KIF27: variants seen among roughly 807,000 people sequenced by gnomAD.
KIF27 encodes the protein kinesin-like protein KIF27.
Under a neutral mutation model 141.8 loss-of-function variants are expected in KIF27, and 84 were observed. The ratio of observed to expected loss-of-function variants is 0.59; its 90% CI spans 0.50 to 0.71. The LOEUF is 0.71. Among genes scored for constraint, KIF27 ranks in the 30% least tolerant of loss-of-function variants. KIF27 has a pLI of 0.00. For missense variants in KIF27, 1,306 were observed against 1,628.4 expected (o/e 0.80, Z 3.41); for synonymous variants, 471 against 569.5 (o/e 0.83, Z 2.46).
intron 17 of KIF27, among the ~76,000 whole-genome samples, chr9:83,841,132 G>A (rs541332208): frequency 3.3e-5 from 5 of 151,720 alleles, no homozygotes; most frequent in South Asian, 4.2e-4. Flanking sequence ...GTGCAATGTC[G>A]TGATCTCAGC....
At chr9:83,881,266 G>C (rs1390876717) in intron 10 of KIF27, among the ~76,000 whole-genome samples, 2 of 152,134 alleles carry the variant, frequency 1.3e-5, no homozygotes, top group East Asian at 3.8e-4. Context: ...TTACAATTTA[G>C]TCCTGACCAA....
At chr9:83,876,485 A>G (rs1202136981) in intron 11 of KIF27, among the ~76,000 whole-genome samples, 4 of 152,252 alleles carry the variant, frequency 2.6e-5, no homozygotes, top group Non-Finnish European at 4.4e-5. Flanking sequence ...AGATGTCAAT[A>G]CTACTCAGAG....
chr9:83,899,166 T>G (rs1486374928), intron 5 of KIF27, among the ~76,000 whole-genome samples: 1 of 149,626 alleles, frequency 6.7e-6, no homozygotes, highest in African/African-American at 2.6e-5. Flanking sequence ...GCCAGGGAGT[T>G]TAATATGTAG....
At chr9:83,920,318 A>G (rs79194828) in intron 1 of KIF27, among the ~76,000 whole-genome samples, 1,551 of 152,370 alleles carry the variant, frequency 0.01, 26 homozygotes, top group African/African-American at 0.035. Context: ...CATAGCACTT[A>G]TACTTCAGAT....
chr9:83,864,581 G>GC lies in KIF27; in HGVS notation c.2934+3102dup, dbSNP rs1367231638. 6.6e-5 allele frequency among the ~76,000 whole-genome samples: 10 copies of GC among 152,304 alleles called. 1 individual carries two copies. Among genetic ancestry groups the GC allele is most frequent in the African/African-American group, 2.4e-4 (10 of 41,554 alleles). On this transcript the variant is annotated intron_variant, in intron 13 of 17. Coordinates refer to ENST00000297814, the MANE Select transcript of KIF27 (RefSeq NM_017576.4). ...TATTCTTTTACATTTGCTGAGGAGT[G>GC]CTTTACTTCCAACTATGTGGTCAAT...
intron 7 of KIF27, 78 bp downstream of exon 7, chr9:83,889,006 T>C: frequency 4.8e-6 from 7 of 1,463,902 alleles, no homozygotes; most frequent in Non-Finnish European, 6.4e-6. Context: ...TATACTCCAA[T>C]GGAAAAAACC....
intron 4 of KIF27, among the ~76,000 whole-genome samples, chr9:83,900,121 A>AT (rs1468675046): frequency 6.6e-6 from 1 of 152,202 alleles, no homozygotes; most frequent in Non-Finnish European, 1.5e-5. Context: ...CTGCTATGAG[A>AT]TTTTAATGTG....
chr9:83,895,079 G>A (rs538432018), intron 5 of KIF27, among the ~76,000 whole-genome samples: 10 of 148,304 alleles, frequency 6.7e-5, no homozygotes, highest in Non-Finnish European at 8.9e-5. Flanking sequence ...GTGAAACCCC[G>A]TCTCCACTAA....
chr9:83,911,269 A>G (rs1955133592), intron 2 of KIF27, among the ~76,000 whole-genome samples: 1 of 151,956 alleles, frequency 6.6e-6, no homozygotes, highest in Non-Finnish European at 1.5e-5. Flanking sequence ...AGCTCTCACT[A>G]TGTTGCCCAG....
At chr9:83,917,600 G>A (rs1477447592) in intron 1 of KIF27, among the ~76,000 whole-genome samples, 1 of 152,128 alleles carries the variant, frequency 6.6e-6, no homozygotes. Context: ...CTGGCATAAA[G>A]ACAGACATAT....
intron 3 of KIF27, among the ~76,000 whole-genome samples, chr9:83,905,650 A>T (rs1237497693): frequency 1.3e-5 from 2 of 152,154 alleles, no homozygotes; most frequent in Non-Finnish European, 2.9e-5. Context: ...ACTTTCATTA[A>T]ATTTTTCCAG....
chr9:83,878,268 G>A (rs1951392637), intron 11 of KIF27, among the ~76,000 whole-genome samples: 1 of 150,614 alleles, frequency 6.6e-6, no homozygotes, highest in Non-Finnish European at 1.5e-5. Context: ...TGACAAAAGT[G>A]AGGAGAAATT....
chr9:83,908,794 C>T, intron 2 of KIF27, 142 bp from the exon 3 acceptor site: 1 of 436,598 alleles, frequency 2.3e-6, no homozygotes, highest in Non-Finnish European at 3.9e-6. Flanking sequence ...GAGTCTTGCT[C>T]TGTTGCCCAG....
rs375222138 is a variant in KIF27, at chr9:83,848,109, C to CATATATCTGATATATATGATATATCAT, written c.3556+1989_3556+1990insATGATATATCATATATATCAGATATAT. 1.6e-4 allele frequency among the ~76,000 whole-genome samples: 4 copies of CATATATCTGATATATATGATATATCAT among 24,506 alleles called. 2 individuals are homozygous for CATATATCTGATATATATGATATATCAT. The highest frequency in any genetic ancestry group is 9.6e-4 in the African/African-American group (2 of 2,080). 16.1% of individuals were successfully genotyped at this position (24,506 alleles called of 152,430 possible). On this transcript the variant is annotated intron_variant, in intron 16 of 17. Transcript: ENST00000297814. ...CATATATATGATATATATGATATCTCATATCTGATATATCTGATATCTCAT... is the reference window on the plus strand; with the variant it reads ...CATATATATGATATATATGATATCTCATATATCTGATATATATGATATATCATATATCTGATATATCTGATATCTCAT...
chr9:83,867,773 A>T lies in KIF27; in HGVS notation c.2845T>A (p.Leu949Ile). ...RQELEELEAD[L>I]KKREAIVSKK... ...GAAACTATGGCCTCCCGTTTCTTTA[A>T]GTCTGCTTCCAGCTCCTCTAATTCT... The change falls in exon 13 of 18, where the codon TTA becomes ATA. Residue 949 changes from leucine (L) to isoleucine (I), a missense_variant. Leu to Ile is a conservative substitution (Grantham distance 5). Transcript: ENST00000297814. The T allele has an allele frequency of 1.9e-6, 3 of 1,613,658 alleles. No homozygotes were observed. In the South Asian group the frequency reaches 3.3e-5, roughly 18 times the overall value.
intron 11 of KIF27, among the ~76,000 whole-genome samples, chr9:83,873,562 T>TA (rs1374973876): frequency 3.3e-5 from 5 of 152,192 alleles, no homozygotes; most frequent in Admixed American, 1.3e-4. Context: ...AGAAAAATGT[T>TA]ACACCCATCT....
chr9:83,908,771 T>G (rs201268626), intron 2 of KIF27, 119 bp from the exon 3 acceptor site: 7 of 468,224 alleles, frequency 1.5e-5, no homozygotes, highest in Non-Finnish European at 2.4e-5. Flanking sequence ...TTTTTTTTTT[T>G]GGCGGGGGGA....
intron 3 of KIF27, among the ~76,000 whole-genome samples, chr9:83,907,413 TTAAAGA>T (rs1204678953): frequency 6.6e-6 from 1 of 151,922 alleles, no homozygotes; most frequent in African/African-American, 2.4e-5. Flanking sequence ...GGCGCTAGGA[TTAAAGA>T]TAATCTTTTA....
intron 16 of KIF27, among the ~76,000 whole-genome samples, chr9:83,848,206 A>ATATC (rs1245658422): frequency 2.3e-4 from 13 of 56,548 alleles, no homozygotes; most frequent in African/African-American, 9.6e-4. Flanking sequence ...TATATCAGAT[A>ATATC]TGATATATAT....
Sources: allele counts gnomAD v4.1 joint callset (sites outside exome capture counted in the v4.1 genomes callset), GRCh38; gene constraint gnomAD v4.1.1; transcripts MANE v1.5; gene names NCBI Gene and HGNC (gene_info 2026-07-23, HGNC 2026-07-21).